Variants in ARHGAP15 observed in about 807,000 individuals in gnomAD.
The protein encoded by ARHGAP15 is Rho GTPase activating protein 15.
In ARHGAP15, 51 loss-of-function variants were observed where a neutral mutation model predicts 63.7. That is an observed-to-expected ratio of 0.80 (90% CI 0.64 to 1.01). ARHGAP15 has a LOEUF of 1.01. Among genes scored for constraint, ARHGAP15 ranks in the 50% least tolerant of loss-of-function variants. The pLI, the probability that ARHGAP15 is intolerant of heterozygous loss-of-function variation, is 0.00. For synonymous variants in ARHGAP15, 191 were observed against 193.8 expected (o/e 0.99, Z 0.12); for missense variants, 560 against 564.6 (o/e 0.99, Z 0.08).
At chr2:143,548,426 G>A (rs759301436) in intron 10 of ARHGAP15, among the ~76,000 whole-genome samples, 4 of 151,180 alleles carry the variant, frequency 2.6e-5, no homozygotes, top group Non-Finnish European at 5.9e-5. Context: ...TCTGGAATTT[G>A]CCCCTAGCTC....
intron 12 of ARHGAP15, among the ~76,000 whole-genome samples, chr2:143,672,677 T>C (rs1682586358): frequency 1.3e-5 from 2 of 152,200 alleles, no homozygotes; most frequent in South Asian, 4.1e-4. Flanking sequence ...TTCCTCCACT[T>C]GCCTTGGAAC....
intron 11 of ARHGAP15, among the ~76,000 whole-genome samples, chr2:143,577,615 C>A (rs902371518): frequency 3.3e-5 from 5 of 152,176 alleles, no homozygotes; most frequent in African/African-American, 4.8e-5. Flanking sequence ...TGACCACCAG[C>A]AGTTCTGGAT....
intron 9 of ARHGAP15, among the ~76,000 whole-genome samples, chr2:143,499,552 C>T (rs1464587292): frequency 6.6e-6 from 1 of 152,098 alleles, no homozygotes; most frequent in Non-Finnish European, 1.5e-5. Flanking sequence ...CAGGAATATT[C>T]AGGAGCCTAG....
chr2:143,548,601 TAAGAG>T (rs1408102759), intron 10 of ARHGAP15, among the ~76,000 whole-genome samples: 1 of 151,964 alleles, frequency 6.6e-6, no homozygotes, highest in African/African-American at 2.4e-5. Context: ...TTCCATGTCT[TAAGAG>T]AATAAAAATT....
At chr2:143,142,639 A>G (rs1689417441) in intron 1 of ARHGAP15, among the ~76,000 whole-genome samples, 1 of 152,092 alleles carries the variant, frequency 6.6e-6, no homozygotes, top group South Asian at 2.1e-4. Context: ...TACTGTTGTA[A>G]GGGAGATGAA....
intron 2 of ARHGAP15, among the ~76,000 whole-genome samples, chr2:143,158,443 G>A (rs373012499): frequency 6.6e-6 from 1 of 151,918 alleles, no homozygotes; most frequent in Non-Finnish European, 1.5e-5. Flanking sequence ...TTGCAGGAAA[G>A]CATCTCAGTA....
intron 6 of ARHGAP15, among the ~76,000 whole-genome samples, chr2:143,377,368 C>A (rs969795409): frequency 9.9e-5 from 15 of 151,716 alleles, no homozygotes; most frequent in Admixed American, 7.9e-4. Context: ...GTATTTTTTT[C>A]TTTTCATTAT....
chr2:143,534,578 GA>G (rs1574592819), intron 10 of ARHGAP15, among the ~76,000 whole-genome samples: 1 of 151,842 alleles, frequency 6.6e-6, no homozygotes, highest in East Asian at 1.9e-4. Context: ...TCAATCTATA[GA>G]AAAAAAGACC....
intron 6 of ARHGAP15, among the ~76,000 whole-genome samples, chr2:143,330,159 T>TAAAAAAAAAAAAAAAAAA (rs1684482882): frequency 8.8e-6 from 1 of 113,784 alleles, no homozygotes; most frequent in Non-Finnish European, 1.9e-5. Context: ...AACTAATGAT[T>TAAAAAAAAAAAAAAAAAA]AATAATTTCA....
chr2:143,258,085 A>G (rs574060102), intron 6 of ARHGAP15, among the ~76,000 whole-genome samples: 1 of 152,128 alleles, frequency 6.6e-6, no homozygotes, highest in Non-Finnish European at 1.5e-5. Context: ...AGATGGGGCC[A>G]GTAAATGGTA....
chr2:143,666,347 G>A (rs1198745695), intron 12 of ARHGAP15, among the ~76,000 whole-genome samples: 1 of 152,042 alleles, frequency 6.6e-6, no homozygotes, highest in Non-Finnish European at 1.5e-5. Flanking sequence ...AAATGGTGCT[G>A]GGATAACTGG....
rs1689938075 is a variant in ARHGAP15, at chr2:143,153,798, T to TTC, written c.-14-1677_-14-1676dup. 9.3e-5 allele frequency among the ~76,000 whole-genome samples: 5 copies of TTC among 53,648 alleles called. No individual in the cohort carries two copies. The South Asian group carries it at 4.8e-3, about 52-fold the overall frequency. 35.2% of individuals were successfully genotyped at this position (53,648 alleles called of 152,430 possible). A position where few individuals can be genotyped will look rare whatever the true frequency, so the allele number is the denominator to read the frequency against. On this transcript the variant is annotated intron_variant, in intron 1 of 13. Coordinates refer to ENST00000295095, the MANE Select transcript of ARHGAP15 (RefSeq NM_018460.4). ...ATAAATCTTCTTCTTCTTCTTCTTC[T>TTC]TCTTCTTCTTCTTCTTCTTCTTCTT...
chr2:143,620,056 T>C (rs927545888), intron 11 of ARHGAP15, among the ~76,000 whole-genome samples: 2 of 152,210 alleles, frequency 1.3e-5, no homozygotes, highest in Admixed American at 1.3e-4. Flanking sequence ...TTCAGTTGCC[T>C]TAGTCCCTTT....
intron 11 of ARHGAP15, among the ~76,000 whole-genome samples, chr2:143,565,786 A>G (rs1412730837): frequency 2.0e-5 from 3 of 152,320 alleles, no homozygotes; most frequent in East Asian, 1.9e-4. Context: ...TTGGCATGCC[A>G]TCTTAGTCCT....
chr2:143,662,192 G>C (rs1248777087), intron 12 of ARHGAP15, among the ~76,000 whole-genome samples: 1 of 152,094 alleles, frequency 6.6e-6, no homozygotes, highest in Non-Finnish European at 1.5e-5. Flanking sequence ...GAGAGCAGTG[G>C]TTCTCCCAGC....
At chr2:143,343,938 A>T (rs1258143166) in intron 6 of ARHGAP15, 2 of 152,134 alleles carry the variant, frequency 1.3e-5, no homozygotes, top group African/African-American at 4.8e-5. Flanking sequence ...GCCAAAATTG[A>T]TTTGCTACAA....
chr2:143,346,274 A>ACACACT (rs150385022), intron 6 of ARHGAP15, among the ~76,000 whole-genome samples: 43 of 150,256 alleles, frequency 2.9e-4, no homozygotes, highest in East Asian at 2.5e-3. Context: ...ACACACACAC[A>ACACACT]CTCACAAACA....
intron 11 of ARHGAP15, among the ~76,000 whole-genome samples, chr2:143,568,257 T>C (rs982252150): frequency 9.2e-5 from 14 of 152,252 alleles, no homozygotes; most frequent in African/African-American, 3.4e-4. Context: ...GAGAAAATTT[T>C]TGCAATCTAC....
chr2:143,325,493 A>G (rs1020480251), intron 6 of ARHGAP15, among the ~76,000 whole-genome samples: 57 of 152,160 alleles, frequency 3.7e-4, no homozygotes, highest in African/African-American at 1.4e-3. Context: ...TCACAATTCA[A>G]TAAATATTCC....
Sources: gnomAD v4.1 joint callset for allele counts (sites outside exome capture counted in the v4.1 genomes callset) on GRCh38, gnomAD v4.1.1 for gene constraint, MANE v1.5 for transcripts, NCBI Gene and HGNC (gene_info 2026-07-23, HGNC 2026-07-21) for gene names.